The following DHX16 variants were observed in gnomAD, a reference collection of about 807,000 sequenced individuals.
DHX16 encodes pre-mRNA-splicing factor ATP-dependent RNA helicase DHX16.
DHX16 carries 81 observed loss-of-function variants against 131.2 expected under a neutral mutation model. The observed-to-expected ratio is 0.62, with a 90% confidence interval of 0.52 to 0.74. The LOEUF (loss-of-function observed/expected upper bound fraction) is 0.74. DHX16 is among the 30% of genes least tolerant of loss of function. The pLI is 0.00. For missense variants in DHX16, 980 were observed against 1,363.1 expected, an observed-to-expected ratio of 0.72 and a Z score of 4.43; for synonymous variants, 440 against 520.2, an observed-to-expected ratio of 0.85 and a Z score of 2.10.
Position 30,670,348 on chromosome 6 carries a change from ACT to A in DHX16, c.666+60_666+61del. On this transcript the variant is annotated intron_variant, in intron 4 of 19. Transcript: ENST00000376442. The surrounding 1 kb of genome is among the most constrained non-coding windows in gnomAD (Gnocchi z 4.4). ...TCCTCTGTATCCTCTCTCCCTATAC[ACT>A]CTATCAGAAAGTCTTTCCTTTTGTC... The A allele has an allele frequency of 6.6e-7, 1 of 1,505,176 alleles. No individual in the cohort carries two copies. The highest frequency in any genetic ancestry group is 9.1e-7 in the Non-Finnish European group (1 of 1,101,640). The allele number at this position is 1,505,176 out of a possible 1,614,324, so 93.2% of individuals were successfully genotyped here.
intron 1 of DHX16, 82 bp downstream of exon 1, chr6:30,672,553 G>C (rs1769664459): frequency 7.8e-7 from 1 of 1,279,840 alleles, no homozygotes; most frequent in South Asian, 1.3e-5. Flanking sequence ...CTTGTGAACT[G>C]AGCTTTCTTA....
Position 30,665,433 on chromosome 6 carries a change from A to G in DHX16, c.921+46T>C. 6.3e-7 allele frequency: 1 copy of G among 1,593,000 alleles called. No homozygotes were observed. Among genetic ancestry groups the G allele is most frequent in the Non-Finnish European group, 8.6e-7 (1 of 1,167,896 alleles). Reference sequence around the variant, plus strand: ...CCAATCCCCTGAAGCCTTCCCCACAACTTGTCTTGGGGACCAAGGCTGAAG... The same window carrying G: ...CCAATCCCCTGAAGCCTTCCCCACAGCTTGTCTTGGGGACCAAGGCTGAAG... On this transcript the variant is annotated intron_variant, in intron 5 of 19. Coordinates refer to ENST00000376442, the MANE Select transcript of DHX16 (RefSeq NM_003587.5). This position sits in a 1 kb window ranked among gnomAD's most constrained non-coding sequence, Gnocchi z 4.8.
chr6:30,667,311 G>A (rs781113959), intron 4 of DHX16, among the ~76,000 whole-genome samples: 12 of 151,992 alleles, frequency 7.9e-5, no homozygotes, highest in Non-Finnish European at 1.6e-4. Context: ...GGCCGGGCGC[G>A]GTGGCTCACG....
intron 19 of DHX16, 44 bp from the exon 20 acceptor site, chr6:30,653,414 T>C (rs372632356): frequency 2.6e-5 from 40 of 1,555,664 alleles, no homozygotes; most frequent in East Asian, 1.1e-4. Flanking sequence ...CTTTCCAACA[T>C]AGATCTTTTG....
At chr6:30,663,983 C>T (rs914235684) in intron 7 of DHX16, among the ~76,000 whole-genome samples, 7 of 152,080 alleles carry the variant, frequency 4.6e-5, no homozygotes, top group African/African-American at 1.7e-4. Context: ...CAAGATCGCG[C>T]CACTGCACTC....
intron 4 of DHX16, among the ~76,000 whole-genome samples, chr6:30,666,155 G>C (rs1769025106): frequency 6.6e-6 from 1 of 152,206 alleles, no homozygotes; most frequent in South Asian, 2.1e-4. Flanking sequence ...AAACCAGTGA[G>C]GGGGCCAACA....
chr6:30,657,950 G>A lies in DHX16; in HGVS notation c.2008-858C>T, dbSNP rs116336918. Among the ~76,000 whole-genome samples the A allele has an allele frequency of 7.8e-3, 1,187 of 152,270 alleles. 13 individuals are homozygous for A. The highest frequency in any genetic ancestry group is 0.025 in the African/African-American group (1,041 of 41,554). On this transcript the variant is annotated intron_variant, in intron 12 of 19. Transcript: ENST00000376442. Reference sequence around the variant, plus strand: ...GTATTTATGCATCCACTGCTTCCCCGATAGACCACAAGTGCAAGTTTGTTA... The same window carrying A: ...GTATTTATGCATCCACTGCTTCCCCAATAGACCACAAGTGCAAGTTTGTTA...
In DHX16 at chr6:30,654,811, C is replaced by T. The variant is rs1767810708; in HGVS notation, c.2892G>A (p.Gln964=). 4.3e-6 allele frequency: 7 copies of T among 1,612,922 alleles called. No individual in the cohort carries two copies. In the South Asian group the frequency reaches 4.4e-5, roughly 10 times the overall value. Residue 964 remains glutamine, a synonymous_variant, in exon 19 of 20, where the codon CAG becomes CAA. Coordinates refer to ENST00000376442, the MANE Select transcript of DHX16 (RefSeq NM_003587.5). ...LTRSGYRTVK[Q]QQTVFIHPNS... ...TGGGATGAATGAAGACTGTCTGCTGCTGTTTCACTGTGCGGTAGCCACTCC... is the reference window on the plus strand; with the variant it reads ...TGGGATGAATGAAGACTGTCTGCTGTTGTTTCACTGTGCGGTAGCCACTCC...
intron 7 of DHX16, 47 bp downstream of exon 7, chr6:30,664,754 C>CA: frequency 6.5e-7 from 1 of 1,534,812 alleles, no homozygotes; most frequent in South Asian, 1.1e-5. Flanking sequence ...GGAATGAGGA[C>CA]ATTGATGCCA....
At chr6:30,666,616 T>C (rs536041685) in intron 4 of DHX16, among the ~76,000 whole-genome samples, 46 of 152,166 alleles carry the variant, frequency 3.0e-4, no homozygotes, top group Non-Finnish European at 6.2e-4. Flanking sequence ...GAGACCAGCC[T>C]GGCCAACATG....
Position 30,662,283 on chromosome 6 carries a change from C to T in DHX16, c.1544+344G>A, listed in dbSNP as rs569626224. Among the ~76,000 whole-genome samples the T allele has an allele frequency of 6.6e-6, 1 of 151,036 alleles. No individual in the cohort carries two copies. The highest frequency in any genetic ancestry group is 6.6e-5 in the Admixed American group (1 of 15,198). On this transcript the variant is annotated intron_variant, in intron 9 of 19. Transcript: ENST00000376442. This position sits in a 1 kb window ranked among gnomAD's most constrained non-coding sequence, Gnocchi z 4.7. ...CATAAAACAATCTGATCCTTCTTTC[C>T]ATGTAACAGCCTTCACATATTTAGA...
Position 30,665,882 on chromosome 6 carries a change from A to C in DHX16, c.667-149T>G. On this transcript the variant is annotated intron_variant, in intron 4 of 19. Transcript: ENST00000376442. This position sits in a 1 kb window ranked among gnomAD's most constrained non-coding sequence, Gnocchi z 4.8. Reference sequence around the variant, plus strand: ...CCTTCCCTCTGCAATGCACAACCAAAACAATGACATACTCAAATCTGGGCC... The same window carrying C: ...CCTTCCCTCTGCAATGCACAACCAACACAATGACATACTCAAATCTGGGCC... The C allele has an allele frequency of 2.0e-6, 2 of 977,274 alleles. No individual in the cohort carries two copies. Among genetic ancestry groups the C allele is most frequent in the Non-Finnish European group, 2.9e-6 (2 of 679,038 alleles). The allele number at this position is 977,274 out of a possible 1,614,324, so 60.5% of individuals were successfully genotyped here.
chr6:30,671,372 CT>C, intron 1 of DHX16, 98 bp from the exon 2 acceptor site: 2 of 1,194,290 alleles, frequency 1.7e-6, no homozygotes, highest in Non-Finnish European at 2.4e-6. Context: ...TTAGTCTTTC[CT>C]GCCCCCGCGG....
chr6:30,662,678 TCTGTCATGTAGCGGAGGA>T lies in DHX16; in HGVS notation c.1475_1492del (p.Val492_Thr497del). The T allele has an allele frequency of 6.2e-7, 1 of 1,613,124 alleles. No homozygotes were observed. On this transcript the variant is annotated inframe_deletion, in exon 9 of 20. Coordinates refer to ENST00000376442, the MANE Select transcript of DHX16 (RefSeq NM_003587.5). This position sits in a 1 kb window ranked among gnomAD's most constrained non-coding sequence, Gnocchi z 4.7. ...GAGGAACTCCCGGAGAAGCATCCCA[TCTGTCATGTAGCGGAGGA>T]CAGTTCGCTCTGATGTGCAGTCCTC...
In DHX16 at chr6:30,672,990, C is replaced by A. The variant is rs770676613; in HGVS notation, c.-149G>T. ...TCTAGGATCTTCCGACATCCCAAAG[C>A]TGTCTTCCCGTACCGCGGAGCCCGG... On this transcript the variant is annotated 5_prime_UTR_variant, in exon 1 of 20. Transcript: ENST00000376442. 33 of 1,550,934 alleles carry A rather than the reference C, an allele frequency of 2.1e-5. No individual in the cohort carries two copies. Among genetic ancestry groups the A allele is most frequent in the Non-Finnish European group, 2.9e-5 (33 of 1,146,814 alleles).
At position 30,656,098 on chromosome 6, in the gene DHX16, T is replaced by C. The variant is rs936276431; in HGVS notation, c.2498+100A>G. 13 of 1,129,930 alleles carry C rather than the reference T, an allele frequency of 1.2e-5. No individual in the cohort carries two copies. In the African/African-American group the frequency reaches 1.7e-4, roughly 15 times the overall value. The allele number at this position is 1,129,930 out of a possible 1,614,324, so 70.0% of individuals were successfully genotyped here. On this transcript the variant is annotated intron_variant, in intron 16 of 19. Transcript: ENST00000376442. This position sits in a 1 kb window ranked among gnomAD's most constrained non-coding sequence, Gnocchi z 5.1. The stretch of plus-strand genomic sequence containing the variant: ...TAATACTTTATTATGTGTTAAGGGA[T>C]AGTATGATGAACAGAAAAAGACAGA...
In DHX16 at chr6:30,665,268, G is replaced by A. The variant is rs755284626; in HGVS notation, c.928C>T (p.Arg310Ter). 2.5e-6 allele frequency: 4 copies of A among 1,602,462 alleles called. No individual in the cohort carries two copies. The highest frequency in any genetic ancestry group is 2.5e-6 in the Non-Finnish European group (3 of 1,179,568). Reference sequence around the variant, plus strand: ...TCCTCCTCCACTAGATCCACAGCTCGGGCTGGCTACAGAGAGAGGGGATAT... The same window carrying A: ...TCCTCCTCCACTAGATCCACAGCTCAGGCTGGCTACAGAGAGAGGGGATAT... ...MPKETRGQPARAVDLVEEESG... is the reference protein window; with the variant it reads ...MPKETRGQPA Residue 310 changes from arginine to a stop codon, truncating the protein, a stop_gained, in exon 6 of 20, where the codon CGA becomes TGA. Transcript: ENST00000376442. LOFTEE classifies it high-confidence loss of function. The surrounding 1 kb of genome is among the most constrained non-coding windows in gnomAD (Gnocchi z 4.8).
intron 12 of DHX16, 66 bp from the exon 13 acceptor site, chr6:30,657,158 T>C: frequency 6.5e-7 from 1 of 1,539,536 alleles, no homozygotes; most frequent in Non-Finnish European, 8.8e-7. Flanking sequence ...AAAGTAATCT[T>C]GGAAAGTTAG....
chr6:30,659,620 T>A lies in DHX16; in HGVS notation c.1859A>T (p.Glu620Val). 1 of 1,613,950 alleles carries A rather than the reference T, an allele frequency of 6.2e-7. No individual in the cohort carries two copies. Among genetic ancestry groups the A allele is most frequent in the Non-Finnish European group, 8.5e-7 (1 of 1,179,988 alleles). Residue 620 changes from glutamate (E) to valine (V), a missense_variant, in exon 12 of 20, where the codon GAG (glutamate) becomes GTG (valine). Glu to Val is a moderately radical substitution (Grantham distance 121). Coordinates refer to ENST00000376442, the MANE Select transcript of DHX16 (RefSeq NM_003587.5). ...DILVFLTGQE[E>V]IEAACEMLQD... ...GAGCATCTCACAGGCAGCCTCAATC[T>A]CCTCCTGGATAGAGGGTAGGGAGAG...
Sources: allele counts gnomAD v4.1 joint callset (sites outside exome capture counted in the v4.1 genomes callset), GRCh38; gene constraint gnomAD v4.1.1; non-coding constraint Gnocchi (gnomAD v3.1); transcripts MANE v1.5; gene names NCBI Gene and HGNC (gene_info 2026-07-23, HGNC 2026-07-21).